The following DNAH8 variants were observed in gnomAD, a reference collection of about 807,000 sequenced individuals.
DNAH8 encodes the protein dynein axonemal heavy chain 8.
Under a neutral mutation model 562.1 loss-of-function variants are expected in DNAH8, and 382 were observed. That is an observed-to-expected ratio of 0.68 (90% CI 0.63 to 0.74). The LOEUF (loss-of-function observed/expected upper bound fraction) is 0.74, where lower values mean the gene tolerates loss of function less well. DNAH8 is among the 30% of genes least tolerant of loss of function. DNAH8 has a pLI of 0.00. For missense variants in DNAH8, 5,203 were observed against 5,620.4 expected (o/e 0.93, Z 2.37); for synonymous variants, 1,881 against 1,919.4 (o/e 0.98, Z 0.52).
intron 91 of DNAH8, among the ~76,000 whole-genome samples, chr6:39,025,272 C>T (rs1040939721): frequency 4.6e-5 from 7 of 152,172 alleles, no homozygotes; most frequent in African/African-American, 1.4e-4. Context: ...GTTGTCTTCC[C>T]GAGTAGTTAA....
intron 23 of DNAH8, among the ~76,000 whole-genome samples, chr6:38,806,417 A>T (rs991902013): frequency 1.3e-5 from 2 of 152,160 alleles, no homozygotes; most frequent in Non-Finnish European, 2.9e-5. Context: ...GCTTCTCAGT[A>T]CCATGCACCA....
At chr6:38,760,200 T>C (rs566833296) in intron 10 of DNAH8, among the ~76,000 whole-genome samples, 1 of 152,334 alleles carries the variant, frequency 6.6e-6, no homozygotes, top group Non-Finnish European at 1.5e-5. Context: ...GGTGGTGAAC[T>C]TCCTGGATTT....
intron 56 of DNAH8, among the ~76,000 whole-genome samples, chr6:38,884,461 T>A (rs1451775329): frequency 6.6e-6 from 1 of 152,134 alleles, no homozygotes; most frequent in African/African-American, 2.4e-5. Flanking sequence ...GCCTGGCTAA[T>A]TTTTGTATTT....
At chr6:38,787,695 C>CAAAAAAAA (rs67293877) in intron 18 of DNAH8, among the ~76,000 whole-genome samples, 1 of 79,620 alleles carries the variant, frequency 1.3e-5, no homozygotes, top group Non-Finnish European at 2.4e-5. Flanking sequence ...GACTCCATCT[C>CAAAAAAAA]AAAAAAAAAA....
intron 88 of DNAH8, among the ~76,000 whole-genome samples, chr6:38,997,510 G>C (rs1765215501): frequency 6.6e-6 from 1 of 152,162 alleles, no homozygotes; most frequent in African/African-American, 2.4e-5. Flanking sequence ...AGAAGTTACA[G>C]AGTTCTGTTG....
chr6:38,750,559 A>C lies in DNAH8; in HGVS notation c.1377A>C (p.Lys459Asn). Residue 459 changes from lysine (K) to asparagine (N), a missense_variant, in exon 9 of 93, where the codon AAA (lysine) becomes AAC (asparagine). By Grantham distance (94) the Lys-to-Asn change is moderately conservative. Transcript: ENST00000327475. ...TCAGATATTTGTATACTTTGGAAAA[A>C]GTGTGTCAACCTCTCTATAACCATG... ...DNVRYLYTLEKVCQPLYNHDL... is the reference protein window; with the variant it reads ...DNVRYLYTLENVCQPLYNHDL... 1.2e-6 allele frequency: 2 copies of C among 1,611,190 alleles called. No individual in the cohort carries two copies. Among genetic ancestry groups the C allele is most frequent in the Non-Finnish European group, 8.5e-7 (1 of 1,178,050 alleles).
intron 31 of DNAH8, among the ~76,000 whole-genome samples, chr6:38,833,203 T>C (rs910760944): frequency 1.3e-5 from 2 of 152,128 alleles, no homozygotes; most frequent in Admixed American, 6.5e-5. Flanking sequence ...GGATCTGTAT[T>C]CATAAGATGA....
Position 38,883,986 on chromosome 6 carries a change from G to A in DNAH8, c.8247G>A (p.Glu2749=). 2 of 1,561,390 alleles carry A rather than the reference G, an allele frequency of 1.3e-6. No individual in the cohort carries two copies. The highest frequency in any genetic ancestry group is 1.7e-6 in the Non-Finnish European group (2 of 1,151,506). Residue 2749 remains glutamate, a synonymous_variant, in exon 56 of 93, where the codon GAG becomes GAA. Transcript: ENST00000327475. ...IDDINMPVIN[E]WGDQITNEIV... ...ATATTAATATGCCTGTGATTAATGA[G>A]TGGGGAGATCAGGTATGGCTGAAAT...
rs201878949 is a variant in DNAH8 at position 39,012,595 on chromosome 6, A to G, written c.13672A>G (p.Arg4558Gly). ...GTTTTCTACGTGGATATTTGAAGGG[A>G]GGCCTAATGTGTTTTGGATGACTGG... ...AQFSTWIFEGRPNVFWMTGFF... is the reference protein window; with the variant it reads ...AQFSTWIFEGGPNVFWMTGFF... Residue 4558 changes from arginine to glycine, a missense_variant, in exon 91 of 93, where the codon AGG (arginine) becomes GGG (glycine). By Grantham distance (125) the Arg-to-Gly change is moderately radical. Coordinates refer to ENST00000327475, the MANE Select transcript of DNAH8 (RefSeq NM_001206927.2). 1 of 1,614,036 alleles carries G rather than the reference A, an allele frequency of 6.2e-7. No homozygotes were observed. Among genetic ancestry groups the G allele is most frequent in the East Asian group, 2.2e-5 (1 of 44,876 alleles).
At chr6:38,974,139 A>C (rs116499485) in intron 84 of DNAH8, among the ~76,000 whole-genome samples, 215 of 152,318 alleles carry the variant, frequency 1.4e-3, no homozygotes, top group African/African-American at 4.9e-3. Flanking sequence ...AGCATCCTAA[A>C]TCTGAAAATC....
At chr6:38,984,751 A>G (rs1764269039) in intron 87 of DNAH8, among the ~76,000 whole-genome samples, 1 of 152,126 alleles carries the variant, frequency 6.6e-6, no homozygotes, top group South Asian at 2.1e-4. Context: ...GGATCGCACC[A>G]CTGCACTCCA....
chr6:38,829,099 T>C (rs62396399), intron 30 of DNAH8, among the ~76,000 whole-genome samples: 24,494 of 152,240 alleles, frequency 0.16, 2,267 homozygotes, highest in Non-Finnish European at 0.21. Flanking sequence ...AGAGCATGTT[T>C]TCATGTGGCC....
intron 82 of DNAH8, 120 bp from the exon 83 acceptor site, chr6:38,971,472 A>T (rs1011663639): frequency 4.2e-6 from 2 of 472,142 alleles, no homozygotes; most frequent in East Asian, 3.7e-5. Flanking sequence ...AACAGCAAAG[A>T]TTTTTTTTTT....
At chr6:38,857,777 C>G (rs1165723438) in intron 42 of DNAH8, 35 bp downstream of exon 42, 1 of 1,328,826 alleles carries the variant, frequency 7.5e-7, no homozygotes, top group Non-Finnish European at 1.1e-6. Flanking sequence ...AGTGTACTAA[C>G]TAATAATGAA....
At chr6:38,750,788 TTTAAG>T (rs1765375885) in intron 9 of DNAH8, among the ~76,000 whole-genome samples, 199 bp downstream of exon 9, 1 of 152,088 alleles carries the variant, frequency 6.6e-6, no homozygotes, top group Non-Finnish European at 1.5e-5. Context: ...AATAGTACAA[TTTAAG>T]AAACTGACTT....
chr6:38,973,542 TA>T, intron 83 of DNAH8, 118 bp from the exon 84 acceptor site: 1 of 702,556 alleles, frequency 1.4e-6, no homozygotes, highest in East Asian at 3.1e-5. Flanking sequence ...ATATAATTTT[TA>T]AAAATGTGTT....
At chr6:38,748,316 G>A (rs1765130250) in intron 8 of DNAH8, among the ~76,000 whole-genome samples, 1 of 152,266 alleles carries the variant, frequency 6.6e-6, no homozygotes, top group East Asian at 1.9e-4. Context: ...GCAAATCTAT[G>A]AATGACATTG....
intron 91 of DNAH8, among the ~76,000 whole-genome samples, chr6:39,017,433 C>T (rs1766637990): frequency 6.6e-6 from 1 of 152,166 alleles, no homozygotes; most frequent in African/African-American, 2.4e-5. Context: ...CCTTTCAGAA[C>T]ATCTTAATTG....
intron 8 of DNAH8, among the ~76,000 whole-genome samples, chr6:38,745,715 A>G (rs879612547): frequency 5.9e-5 from 9 of 152,156 alleles, no homozygotes; most frequent in Non-Finnish European, 1.0e-4. Flanking sequence ...GCCTCCTCCA[A>G]TGGAACAGTT....
Sources: allele counts gnomAD v4.1 joint callset (sites outside exome capture counted in the v4.1 genomes callset), GRCh38; gene constraint gnomAD v4.1.1; transcripts MANE v1.5; gene names NCBI Gene and HGNC (gene_info 2026-07-23, HGNC 2026-07-21).